Variants in GPR149 observed in about 807,000 individuals in gnomAD.
The protein encoded by GPR149 is probable G protein-coupled receptor 149.
GPR149 carries 50 observed loss-of-function variants against 50.2 expected under a neutral mutation model. The ratio of observed to expected loss-of-function variants is 1.00; its 90% CI spans 0.79 to 1.26. The LOEUF (loss-of-function observed/expected upper bound fraction) is 1.26, where lower values mean the gene tolerates loss of function less well. GPR149 is among the 50% of genes most tolerant of loss of function. The pLI, the probability that GPR149 is intolerant of heterozygous loss-of-function variation, is 0.00. For synonymous variants in GPR149, 405 were observed against 358.2 expected (o/e 1.13, Z -1.48); for missense variants, 983 against 895.4 (o/e 1.10, Z -1.25).
At position 154,336,835 on chromosome 3, in the gene GPR149, G is replaced by C. The variant is rs1047072783; in HGVS notation, c.*864C>G. ...GGATTTTGCTCTGCTGTATCCAGAA[G>C]CCTACCATGTTTGGATGTACCTCTC... On this transcript the variant is annotated 3_prime_UTR_variant, in exon 4 of 4. Transcript: ENST00000389740. 3.3e-5 allele frequency: 5 copies of C among 151,838 alleles called. No individual in the cohort carries two copies. Among genetic ancestry groups the C allele is most frequent in the Non-Finnish European group, 5.9e-5 (4 of 67,914 alleles). The allele number at this position is 151,838 out of a possible 1,614,324, so 9.4% of individuals were successfully genotyped here.
In GPR149 at chr3:154,346,720, C is replaced by T. The variant is rs563208597; in HGVS notation, c.1624-8449G>A. ...AAGTGATTCTCATGCCTCAGCCTCC[C>T]GAGTAGCTAGTGTTACAGGTGTGCC... On this transcript the variant is annotated intron_variant, in intron 3 of 3. Transcript: ENST00000389740. 9.9e-5 allele frequency among the ~76,000 whole-genome samples: 15 copies of T among 152,048 alleles called. No individual in the cohort carries two copies. In the South Asian group the frequency reaches 2.5e-3, roughly 25 times the overall value.
intron 3 of GPR149, among the ~76,000 whole-genome samples, chr3:154,347,116 T>C (rs1026439687): frequency 5.9e-5 from 9 of 152,180 alleles, no homozygotes; most frequent in African/African-American, 2.2e-4. Context: ...AATTGAGTCA[T>C]AGGGAGGTAA....
intron 3 of GPR149, among the ~76,000 whole-genome samples, chr3:154,357,877 C>T (rs1714278369): frequency 6.6e-6 from 1 of 152,164 alleles, no homozygotes; most frequent in Non-Finnish European, 1.5e-5. Flanking sequence ...ATAGCAAAGA[C>T]TTGGATCCAA....
At position 154,421,049 on chromosome 3, in the gene GPR149, G is replaced by A. The variant is rs1260738636; in HGVS notation, c.1613C>T (p.Thr538Ile). The part of the protein sequence containing the change: ...WEWCRSKSER[T>I]PRQRSGYALA... The stretch of plus-strand genomic sequence containing the variant: ...CAACTTTTACTGTACCTGACGAGGG[G>A]TTCTTTCTGATTTACTCCTACACCA... Residue 538 changes from threonine to isoleucine, a missense_variant, in exon 3 of 4, where the codon ACC (threonine) becomes ATC (isoleucine). Transcript: ENST00000389740. The A allele has an allele frequency of 4.4e-6, 7 of 1,602,928 alleles. No individual in the cohort carries two copies. Among genetic ancestry groups the A allele is most frequent in the Admixed American group, 1.7e-5 (1 of 58,056 alleles).
chr3:154,389,278 A>G (rs1183420283), intron 3 of GPR149, among the ~76,000 whole-genome samples: 1 of 152,130 alleles, frequency 6.6e-6, no homozygotes, highest in African/African-American at 2.4e-5. Context: ...AACTAGTTAC[A>G]AGTCTCCTGC....
At chr3:154,427,778 G>T (rs775861169) in intron 1 of GPR149, 70 bp from the exon 2 acceptor site, 1 of 1,380,844 alleles carries the variant, frequency 7.2e-7, no homozygotes, top group Non-Finnish European at 9.9e-7. Context: ...TTTTCTCCAC[G>T]CACGCTGCCT....
chr3:154,371,759 A>T (rs1019302302), intron 3 of GPR149, among the ~76,000 whole-genome samples: 3 of 152,194 alleles, frequency 2.0e-5, no homozygotes, highest in African/African-American at 7.2e-5. Context: ...AGAAAGTAGA[A>T]AAAAGGAGCT....
chr3:154,404,132 A>G (rs1711614272), intron 3 of GPR149, among the ~76,000 whole-genome samples: 1 of 152,232 alleles, frequency 6.6e-6, no homozygotes, highest in African/African-American at 2.4e-5. Context: ...AGTGTTTTTA[A>G]CAATTTATCG....
At chr3:154,388,871 AAC>A (rs58641317) in intron 3 of GPR149, among the ~76,000 whole-genome samples, 2,676 of 144,922 alleles carry the variant, frequency 0.018, 62 homozygotes, top group African/African-American at 0.064. Context: ...ACATATGAAA[AAC>A]ACACACACAC....
intron 3 of GPR149, among the ~76,000 whole-genome samples, chr3:154,376,051 T>C (rs973931855): frequency 7.9e-5 from 12 of 152,208 alleles, no homozygotes; most frequent in African/African-American, 2.4e-4. Context: ...ATCTTCTAAA[T>C]AGAAATTTGT....
intron 3 of GPR149, among the ~76,000 whole-genome samples, chr3:154,413,642 A>AT (rs1450427580): frequency 5.1e-5 from 1 of 19,500 alleles, no homozygotes; most frequent in South Asian, 2.4e-3. Flanking sequence ...TGATTATAAA[A>AT]TAAAAAAAAA....
chr3:154,411,251 C>G (rs1576926651), intron 3 of GPR149, among the ~76,000 whole-genome samples: 1 of 151,974 alleles, frequency 6.6e-6, no homozygotes, highest in East Asian at 1.9e-4. Flanking sequence ...TCAAAGAACA[C>G]AAATAGACAA....
At chr3:154,423,573 T>A (rs1283314884) in intron 2 of GPR149, among the ~76,000 whole-genome samples, 1 of 151,898 alleles carries the variant, frequency 6.6e-6, no homozygotes, top group Non-Finnish European at 1.5e-5. Flanking sequence ...AAGTAACTAA[T>A]GTACCTGAAC....
intron 3 of GPR149, among the ~76,000 whole-genome samples, chr3:154,410,170 CA>C (rs1711795460): frequency 6.6e-6 from 1 of 151,968 alleles, no homozygotes; most frequent in East Asian, 1.9e-4. Flanking sequence ...TTTTTTCAGA[CA>C]AACAAATGCT....
At chr3:154,400,203 G>C (rs1315337037) in intron 3 of GPR149, among the ~76,000 whole-genome samples, 1 of 151,874 alleles carries the variant, frequency 6.6e-6, no homozygotes, top group African/African-American at 2.4e-5. Flanking sequence ...AGCCAGGATG[G>C]TCTCAATCTC....
At chr3:154,339,282 G>C (rs563935130) in intron 3 of GPR149, among the ~76,000 whole-genome samples, 3 of 152,160 alleles carry the variant, frequency 2.0e-5, no homozygotes, top group Non-Finnish European at 4.4e-5. Flanking sequence ...ATTTTAACAA[G>C]CCTTTCCGGT....
In GPR149 at chr3:154,428,790, C is replaced by T. The variant is rs750193446; in HGVS notation, c.826G>A (p.Gly276Arg). ...CCAGCGGCAGCGGGCGCACCCGGTC[C>T]GAACACGGTGTCGGAGCTCGGAGAG... ...GCSPSSDTVF[G>R]PGAPAAAGAE... The change falls in exon 1 of 4, where the codon GGA becomes AGA. Residue 276 changes from glycine to arginine, a missense_variant. By Grantham distance (125) the Gly-to-Arg change is moderately radical. Transcript: ENST00000389740. 1.2e-6 allele frequency: 2 copies of T among 1,613,880 alleles called. No homozygotes were observed. The highest frequency in any genetic ancestry group is 2.2e-5 in the South Asian group (2 of 91,070).
At chr3:154,353,690 A>G (rs1305398651) in intron 3 of GPR149, 2 of 1,303,838 alleles carry the variant, frequency 1.5e-6, no homozygotes, top group South Asian at 1.2e-5. Context: ...GAGCCAAAAC[A>G]AGTACCTTTG....
chr3:154,397,623 T>A (rs1370334057), intron 3 of GPR149, among the ~76,000 whole-genome samples: 1 of 152,188 alleles, frequency 6.6e-6, no homozygotes, highest in Non-Finnish European at 1.5e-5. Context: ...AAATACTATA[T>A]AATATTGTGT....
Sources: allele counts gnomAD v4.1 joint callset (sites outside exome capture counted in the v4.1 genomes callset), GRCh38; gene constraint gnomAD v4.1.1; transcripts MANE v1.5; gene names NCBI Gene and HGNC (gene_info 2026-07-23, HGNC 2026-07-21).